Variants in USP26 observed in about 807,000 individuals in gnomAD.
USP26 encodes ubiquitin specific peptidase 26, also known as ubiquitin carboxyl-terminal hydrolase 26.
For synonymous variants in USP26, 236 were observed against 240.6 expected, an observed-to-expected ratio of 0.98 and a Z score of 0.18; for missense variants, 649 against 642.3, an observed-to-expected ratio of 1.01 and a Z score of -0.11.
intron 4 of USP26, among the ~76,000 whole-genome samples, chrX:133,087,670 A>G (rs1410202130): frequency 8.9e-6 from 1 of 112,554 alleles, no homozygotes; most frequent in African/African-American, 3.2e-5. Flanking sequence ...AAAGAAAATG[A>G]AATTTGAGCA....
chrX:133,037,027 T>C (rs139070819), intron 5 of USP26, among the ~76,000 whole-genome samples: 487 of 112,365 alleles, frequency 4.3e-3, no homozygotes, highest in African/African-American at 0.015. Context: ...ATGGGGTTGT[T>C]TTTTTCTTGT....
At chrX:133,063,778 C>T (rs762861656) in intron 5 of USP26, among the ~76,000 whole-genome samples, 1 of 111,202 alleles carries the variant, frequency 9.0e-6, no homozygotes, top group East Asian at 2.8e-4. Flanking sequence ...CAAAAACACA[C>T]CAAAATATAA....
chrX:133,051,523 C>T (rs181679630), intron 5 of USP26, among the ~76,000 whole-genome samples: 31 of 111,952 alleles, frequency 2.8e-4, no homozygotes, highest in Admixed American at 5.7e-4. Flanking sequence ...CCCAGGACCA[C>T]CGGATATGGA....
At chrX:133,082,530 T>A (rs1215398643) in intron 5 of USP26, among the ~76,000 whole-genome samples, 1 of 112,387 alleles carries the variant, frequency 8.9e-6, no homozygotes, top group Non-Finnish European at 1.9e-5. Context: ...GGAATGATGG[T>A]AGGTTAAGGA....
At chrX:133,081,088 T>C (rs1347989103) in intron 5 of USP26, among the ~76,000 whole-genome samples, 1 of 111,121 alleles carries the variant, frequency 9.0e-6, no homozygotes, top group Non-Finnish European at 1.9e-5. Flanking sequence ...CCTCCTGGTT[T>C]TCTGTGAACT....
At chrX:133,057,970 C>T (rs764334507) in intron 5 of USP26, among the ~76,000 whole-genome samples, 8 of 90,354 alleles carry the variant, frequency 8.9e-5, no homozygotes, top group South Asian at 6.1e-4. Flanking sequence ...CTCCGCCTCC[C>T]GGGTTCACGC....
At chrX:133,038,157 C>T (rs2067402831) in intron 5 of USP26, among the ~76,000 whole-genome samples, 1 of 111,459 alleles carries the variant, frequency 9.0e-6, no homozygotes, top group Non-Finnish European at 1.9e-5. Context: ...CCCTTTATTT[C>T]TTTCTCTTGC....
At chrX:133,070,938 C>T (rs758670153) in intron 5 of USP26, among the ~76,000 whole-genome samples, 2 of 111,119 alleles carry the variant, frequency 1.8e-5, no homozygotes, top group Middle Eastern at 4.6e-3. Context: ...AAATGGTGGC[C>T]GGGTGTGGTG....
Position 133,026,757 on chromosome X carries a change from T to C in USP26, c.1464A>G (p.Gly488=), listed in dbSNP as rs760286562. 2.5e-6 allele frequency: 3 copies of C among 1,210,536 alleles called. No homozygotes were observed. The highest frequency in any genetic ancestry group is 3.4e-6 in the Non-Finnish European group (3 of 895,105). The stretch of plus-strand genomic sequence containing the variant: ...CACATTTATACTCAAGCTCTTCTGC[T>C]CCAAAAAAAAGATCAAAAGTAGACT... The part of the protein sequence containing the change: ...SIQSTFDLFF[G]AEELEYKCAK... The change falls in exon 6 of 6, where the codon GGA becomes GGG. Residue 488 remains glycine, a synonymous_variant. Transcript: ENST00000511190.
At position 133,028,021 on chromosome X, in the gene USP26, T is replaced by C; in HGVS notation, c.200A>G (p.Asn67Ser). ...QNVVLKSYRG[N>S]QNHLHLTLQN... is the part of the protein sequence containing the mutation. Reference sequence around the variant, plus strand: ...TAAAGTTAAATGCAGGTGATTTTGGTTTCCTCTATAGGATTTAAGGACTAC... The same window carrying C: ...TAAAGTTAAATGCAGGTGATTTTGGCTTCCTCTATAGGATTTAAGGACTAC... The change falls in exon 6 of 6, where the codon AAC (asparagine) becomes AGC (serine). Residue 67 changes from asparagine to serine, a missense_variant. By Grantham distance (46) the Asn-to-Ser change is conservative. Transcript: ENST00000511190. The C allele has an allele frequency of 8.3e-7, 1 of 1,211,440 alleles. No homozygotes were observed. The highest frequency in any genetic ancestry group is 1.1e-6 in the Non-Finnish European group (1 of 895,182).
chrX:133,081,246 T>C (rs765561761), intron 5 of USP26, among the ~76,000 whole-genome samples: 23 of 111,760 alleles, frequency 2.1e-4, no homozygotes, highest in Admixed American at 4.7e-4. Flanking sequence ...TAAAAAAAAT[T>C]GTTCTCAGTC....
At chrX:133,074,798 G>A (rs1265002660) in intron 5 of USP26, among the ~76,000 whole-genome samples, 2 of 112,264 alleles carry the variant, frequency 1.8e-5, no homozygotes, top group Non-Finnish European at 1.9e-5. Flanking sequence ...TTATTCTGCT[G>A]TTCTTTTATT....
Position 133,027,461 on chromosome X carries a change from G to C in USP26, c.760C>G (p.Leu254Val). The C allele has an allele frequency of 8.3e-7, 1 of 1,210,474 alleles. No homozygotes were observed. The highest frequency in any genetic ancestry group is 1.1e-6 in the Non-Finnish European group (1 of 894,289). ...TGNPYLDDIG[L>V]LQALTEKMVL... ...ATTTTCTCAGTGAGAGCTTGGAGAA[G>C]ACCAATGTCATCTAGGTAAGGATTT... The change falls in exon 6 of 6, where the codon CTT becomes GTT. Residue 254 changes from leucine (L) to valine (V), a missense_variant. Coordinates refer to ENST00000511190, the MANE Select transcript of USP26 (RefSeq NM_031907.3).
At chrX:133,043,295 G>C (rs1363885238) in intron 5 of USP26, among the ~76,000 whole-genome samples, 1 of 112,316 alleles carries the variant, frequency 8.9e-6, no homozygotes, top group South Asian at 3.7e-4. Context: ...TGATAACTGA[G>C]CTACCAGTGC....
At chrX:133,064,052 A>G (rs775267321) in intron 5 of USP26, among the ~76,000 whole-genome samples, 12 of 112,250 alleles carry the variant, frequency 1.1e-4, no homozygotes, top group Non-Finnish European at 1.7e-4. Flanking sequence ...AAGCAAATGG[A>G]AAGCAAAAAA....
At chrX:133,033,587 G>A (rs2067385866) in intron 5 of USP26, among the ~76,000 whole-genome samples, 1 of 112,314 alleles carries the variant, frequency 8.9e-6, no homozygotes, top group Non-Finnish European at 1.9e-5. Context: ...ATTTAAATAT[G>A]AATTCATTAA....
chrX:133,089,868 G>A (rs189778165), intron 4 of USP26, among the ~76,000 whole-genome samples: 1 of 112,354 alleles, frequency 8.9e-6, no homozygotes, highest in African/African-American at 3.2e-5. Context: ...GCTCATGCCT[G>A]TAATCCCAGC....
chrX:133,029,818 A>G (rs2067369805), intron 5 of USP26, among the ~76,000 whole-genome samples: 1 of 111,680 alleles, frequency 9.0e-6, no homozygotes, highest in East Asian at 2.8e-4. Context: ...TTCCTTTCTC[A>G]CAGTCCATCC....
chrX:133,042,096 C>T (rs1441141546), intron 5 of USP26, among the ~76,000 whole-genome samples: 2 of 112,196 alleles, frequency 1.8e-5, no homozygotes, highest in East Asian at 5.6e-4. Context: ...CTTCAGACTG[C>T]TGTGCTGGCA....
Sources: allele counts gnomAD v4.1 joint callset (sites outside exome capture counted in the v4.1 genomes callset), GRCh38; gene constraint gnomAD v4.1.1; transcripts MANE v1.5; gene names NCBI Gene and HGNC (gene_info 2026-07-23, HGNC 2026-07-21).